Variants in ADAM2 observed in about 807,000 individuals in gnomAD.
ADAM2 encodes disintegrin and metalloproteinase domain-containing protein 2.
ADAM2 carries 101 observed loss-of-function variants against 99.3 expected under a neutral mutation model. That is an observed-to-expected ratio of 1.02 (90% confidence interval 0.87 to 1.20). The LOEUF is 1.20. ADAM2 is among the 50% of genes most tolerant of loss of function. The probability of loss-of-function intolerance (pLI) is 0.00; values close to 1 mark genes in which losing one functional copy is unlikely to be tolerated. For synonymous variants in ADAM2, 323 were observed against 287.6 expected (o/e 1.12, Z -1.25); for missense variants, 948 against 878.7 (o/e 1.08, Z -1.00).
chr8:39,823,230 C>T (rs1586156739), intron 4 of ADAM2, among the ~76,000 whole-genome samples: 1 of 152,136 alleles, frequency 6.6e-6, no homozygotes, highest in Non-Finnish European at 1.5e-5. Context: ...GGAACAAACT[C>T]TTTCCTGGTT....
chr8:39,822,345 C>T (rs1055545522), intron 4 of ADAM2, among the ~76,000 whole-genome samples: 5 of 152,044 alleles, frequency 3.3e-5, no homozygotes, highest in African/African-American at 1.2e-4. Context: ...GAAGTTACAT[C>T]AACCTTAAAC....
Position 39,763,610 on chromosome 8 carries a change from C to G in ADAM2, c.1508-2329G>C, listed in dbSNP as rs138839846. ...GCTAAACAACAATGCCCACTCCCACCCTTTTATGAATAATCATGTTAGGCT... is the reference window on the plus strand; with the variant it reads ...GCTAAACAACAATGCCCACTCCCACGCTTTTATGAATAATCATGTTAGGCT... On this transcript the variant is annotated intron_variant, in intron 14 of 20. Transcript: ENST00000265708. Among the ~76,000 whole-genome samples, 987 of 152,232 alleles carry G rather than the reference C, an allele frequency of 6.5e-3. 11 individuals carry two copies. Among genetic ancestry groups the G allele is most frequent in the African/African-American group, 0.023 (939 of 41,524 alleles).
chr8:39,786,725 G>C (rs981663423), intron 10 of ADAM2, among the ~76,000 whole-genome samples: 3 of 152,040 alleles, frequency 2.0e-5, no homozygotes, highest in Non-Finnish European at 2.9e-5. Context: ...GCACTTTACA[G>C]TAAGACTAAA....
chr8:39,795,910 T>C (rs748140516), intron 7 of ADAM2, among the ~76,000 whole-genome samples: 5 of 152,102 alleles, frequency 3.3e-5, no homozygotes, highest in Non-Finnish European at 7.4e-5. Context: ...ACTTACATAA[T>C]AATTAGGCCC....
intron 5 of ADAM2, 35 bp from the exon 6 acceptor site, chr8:39,821,205 A>G: frequency 7.1e-7 from 1 of 1,414,516 alleles, no homozygotes; most frequent in Non-Finnish European, 9.6e-7. Flanking sequence ...TAAGTAAAAC[A>G]ATGCCTTGTG....
chr8:39,824,563 T>A (rs1267213054), intron 4 of ADAM2, among the ~76,000 whole-genome samples: 1 of 152,194 alleles, frequency 6.6e-6, no homozygotes, highest in East Asian at 1.9e-4. Context: ...ACATATTTAG[T>A]CCCTATCACC....
chr8:39,782,438 C>A (rs1176068790), intron 10 of ADAM2, among the ~76,000 whole-genome samples: 6 of 152,002 alleles, frequency 3.9e-5, no homozygotes, highest in Non-Finnish European at 8.8e-5. Flanking sequence ...TTAGCCCCTC[C>A]TTTTGTATTA....
intron 7 of ADAM2, among the ~76,000 whole-genome samples, chr8:39,803,639 A>G (rs1047316544): frequency 3.9e-5 from 6 of 152,204 alleles, no homozygotes; most frequent in African/African-American, 9.7e-5. Context: ...ATAAAAGCCA[A>G]TTCGAACTCT....
Position 39,760,739 on chromosome 8 carries a change from T to TAA in ADAM2, c.1613+435_1613+436dup, listed in dbSNP as rs112288800. ...CCTTCAAAAAAATAAAATAAAAAAA[T>TAA]AAAAAAAAAACACATTTTGCTCCTT... On this transcript the variant is annotated intron_variant, in intron 15 of 20. Coordinates refer to ENST00000265708, the MANE Select transcript of ADAM2 (RefSeq NM_001464.5). Among the ~76,000 whole-genome samples the TAA allele has an allele frequency of 5.1e-3, 747 of 146,918 alleles. 1 individual carries two copies. The highest frequency in any genetic ancestry group is 0.011 in the African/African-American group (453 of 40,330).
chr8:39,770,147 C>G, intron 11 of ADAM2, among the ~76,000 whole-genome samples: 1 of 152,034 alleles, frequency 6.6e-6, no homozygotes, highest in East Asian at 1.9e-4. Flanking sequence ...TGGGGTTTCA[C>G]CATGTTGGCC....
intron 7 of ADAM2, among the ~76,000 whole-genome samples, chr8:39,804,408 A>T (rs1039905527): frequency 6.6e-6 from 1 of 152,202 alleles, no homozygotes; most frequent in Non-Finnish European, 1.5e-5. Flanking sequence ...GGACAATGCA[A>T]AAATTGAAGA....
intron 3 of ADAM2, among the ~76,000 whole-genome samples, chr8:39,827,047 GA>G (rs373392834): frequency 0.018 from 2,736 of 148,064 alleles, 90 homozygotes; most frequent in African/African-American, 0.063. Flanking sequence ...AAACAACTCA[GA>G]AAAAAAAAAT....
intron 12 of ADAM2, 60 bp downstream of exon 12, chr8:39,769,332 C>A (rs550727477): frequency 1.4e-5 from 19 of 1,352,418 alleles, no homozygotes; most frequent in Non-Finnish European, 1.8e-5. Flanking sequence ...GTTTCTCACT[C>A]GAATTAATAA....
chr8:39,814,209 A>G (rs1164705667), intron 6 of ADAM2, among the ~76,000 whole-genome samples: 4 of 152,048 alleles, frequency 2.6e-5, no homozygotes, highest in Non-Finnish European at 5.9e-5. Context: ...AATACAAAAA[A>G]TTAGCTGGGC....
At position 39,821,181 on chromosome 8, in the gene ADAM2, CA is replaced by C. The variant is rs546410627; in HGVS notation, c.345-12del. Reference sequence around the variant, plus strand: ...AACTGTAGTACGCCCCTAAAAATTTCAAAAAAAAATTAATAAGTAAAACAAT... The same window carrying C: ...AACTGTAGTACGCCCCTAAAAATTTCAAAAAAAATTAATAAGTAAAACAAT... On this transcript the variant is annotated splice_polypyrimidine_tract_variant and intron_variant, in intron 5 of 20. Transcript: ENST00000265708. 3.7e-4 allele frequency: 549 copies of C among 1,501,230 alleles called. No homozygotes were observed. The highest frequency in any genetic ancestry group is 8.6e-4 in the South Asian group (65 of 75,920). 93.0% of individuals were successfully genotyped at this position (1,501,230 alleles called of 1,614,324 possible).
At chr8:39,750,768 A>G (rs114963015) in intron 16 of ADAM2, among the ~76,000 whole-genome samples, 53 of 152,288 alleles carry the variant, frequency 3.5e-4, no homozygotes, top group African/African-American at 1.3e-3. Flanking sequence ...ATCAACTGAG[A>G]TAAAGAAAGT....
chr8:39,759,478 A>C (rs536717593), intron 15 of ADAM2, among the ~76,000 whole-genome samples: 2 of 152,334 alleles, frequency 1.3e-5, no homozygotes, highest in Non-Finnish European at 2.9e-5. Context: ...AATAGCCTAA[A>C]ATTACTCAAA....
intron 16 of ADAM2, among the ~76,000 whole-genome samples, chr8:39,753,634 C>G (rs1259473455): frequency 1.3e-5 from 2 of 152,182 alleles, no homozygotes; most frequent in African/African-American, 4.8e-5. Flanking sequence ...GGTCCCCCTG[C>G]TCTATACTGC....
Position 39,766,842 on chromosome 8 carries a change from A to C in ADAM2, c.1507+6T>G. Reference sequence around the variant, plus strand: ...CATATATGAGAAATCAAATGATAATAAATACCTTTGCCAAATGTGTCTGTA... The same window carrying C: ...CATATATGAGAAATCAAATGATAATCAATACCTTTGCCAAATGTGTCTGTA... On this transcript the variant is annotated splice_donor_region_variant and intron_variant, in intron 14 of 20. Coordinates refer to ENST00000265708, the MANE Select transcript of ADAM2 (RefSeq NM_001464.5). 1 of 1,570,156 alleles carries C rather than the reference A, an allele frequency of 6.4e-7. No homozygotes were observed. Among genetic ancestry groups the C allele is most frequent in the African/African-American group, 1.3e-5 (1 of 74,084 alleles).
Sources: allele counts gnomAD v4.1 joint callset (sites outside exome capture counted in the v4.1 genomes callset), GRCh38; gene constraint gnomAD v4.1.1; transcripts MANE v1.5; gene names NCBI Gene and HGNC (gene_info 2026-07-23, HGNC 2026-07-21).